Variants in RPH3A observed in about 807,000 individuals in gnomAD.
RPH3A encodes the protein rabphilin-3A.
In RPH3A, 48 loss-of-function variants were observed where a neutral mutation model predicts 102.2. The observed-to-expected ratio is 0.47, with a 90% CI of 0.37 to 0.60. The LOEUF (loss-of-function observed/expected upper bound fraction) is 0.60, where lower values mean the gene tolerates loss of function less well. Ranked by LOEUF, RPH3A falls within the 20% of genes least tolerant of loss-of-function variation. The pLI is 0.00. For synonymous variants in RPH3A, 310 were observed against 324.3 expected (o/e 0.96, Z 0.47); for missense variants, 781 against 910.1 (o/e 0.86, Z 1.83).
At chr12:112,644,468 A>ACG (rs1272612056) in intron 1 of RPH3A, among the ~76,000 whole-genome samples, 9 of 152,144 alleles carry the variant, frequency 5.9e-5, no homozygotes, top group African/African-American at 2.2e-4. Flanking sequence ...TCCTGATGGC[A>ACG]TGAATGCCCT....
intron 1 of RPH3A, among the ~76,000 whole-genome samples, chr12:112,740,307 G>A (rs544102256): frequency 7.2e-5 from 11 of 152,262 alleles, no homozygotes; most frequent in South Asian, 4.1e-4. Context: ...TGCATTTCCC[G>A]CAACAATTTA....
At position 112,897,162 on chromosome 12, in the gene RPH3A, A is replaced by G; in HGVS notation, c.*382A>G. 1 of 191,234 alleles carries G rather than the reference A, an allele frequency of 5.2e-6. No individual in the cohort carries two copies. The highest frequency in any genetic ancestry group is 1.2e-4 in the East Asian group (1 of 8,230). The allele number at this position is 191,234 out of a possible 1,614,324, so 11.8% of individuals were successfully genotyped here. A position where few individuals can be genotyped will look rare whatever the true frequency, so the allele number is the denominator to read the frequency against. On this transcript the variant is annotated 3_prime_UTR_variant, in exon 22 of 22. Transcript: ENST00000389385. ...CACACATGTACACACACACACACAC[A>G]CACACACACACACCCTTTCATTCCC...
chr12:112,811,085 A>G (rs1420313223), intron 2 of RPH3A, among the ~76,000 whole-genome samples: 1 of 152,164 alleles, frequency 6.6e-6, no homozygotes, highest in Non-Finnish European at 1.5e-5. Flanking sequence ...ATACTGAACC[A>G]CATTGCTCCT....
chr12:112,739,798 C>T (rs2040695544), intron 1 of RPH3A, among the ~76,000 whole-genome samples: 1 of 152,182 alleles, frequency 6.6e-6, no homozygotes, highest in Non-Finnish European at 1.5e-5. Context: ...AATGGCATTA[C>T]AGGAGAAGGC....
At chr12:112,592,530 G>A (rs1038825085) in intron 1 of RPH3A, among the ~76,000 whole-genome samples, 4 of 152,266 alleles carry the variant, frequency 2.6e-5, no homozygotes, top group East Asian at 1.9e-4. Context: ...TGTCAGCCAG[G>A]CTGTTCTCGA....
intron 1 of RPH3A, among the ~76,000 whole-genome samples, chr12:112,641,655 C>T (rs1472626845): frequency 1.3e-5 from 2 of 152,194 alleles, no homozygotes; most frequent in Admixed American, 1.3e-4. Flanking sequence ...ACCTCGGCCT[C>T]CCAAAGTGCT....
intron 1 of RPH3A, among the ~76,000 whole-genome samples, chr12:112,746,934 C>A (rs739742): frequency 0.7 from 106,210 of 151,874 alleles, 37,304 homozygotes; most frequent in East Asian, 0.86. Context: ...CCTTCTTCCA[C>A]CCTCCCAGCC....
At chr12:112,848,317 G>A (rs2042266536) in intron 5 of RPH3A, among the ~76,000 whole-genome samples, 1 of 152,182 alleles carries the variant, frequency 6.6e-6, no homozygotes, top group Non-Finnish European at 1.5e-5. Flanking sequence ...AAAAAAGAGT[G>A]TGTAAAAGAG....
chr12:112,870,332 C>T (rs1397527798), intron 10 of RPH3A, among the ~76,000 whole-genome samples: 3 of 150,536 alleles, frequency 2.0e-5, no homozygotes, highest in African/African-American at 7.4e-5. Flanking sequence ...AAAAAAAACC[C>T]TGGGGGAAAA....
chr12:112,713,354 C>T (rs773394122), intron 1 of RPH3A, among the ~76,000 whole-genome samples: 2 of 151,912 alleles, frequency 1.3e-5, no homozygotes, highest in South Asian at 4.2e-4. Flanking sequence ...ACATCAAGGT[C>T]GAGACTCATT....
intron 1 of RPH3A, among the ~76,000 whole-genome samples, chr12:112,609,488 C>T (rs1466616315): frequency 1.3e-5 from 2 of 152,158 alleles, no homozygotes; most frequent in Non-Finnish European, 2.9e-5. Context: ...TTTCTTCTCT[C>T]CTTCCACCTC....
chr12:112,644,860 C>T (rs572213005), intron 1 of RPH3A, among the ~76,000 whole-genome samples: 1 of 152,226 alleles, frequency 6.6e-6, no homozygotes, highest in Non-Finnish European at 1.5e-5. Flanking sequence ...CCCTGAATAG[C>T]TGCAGCTCAT....
At chr12:112,829,944 T>G (rs1201901592) in intron 3 of RPH3A, among the ~76,000 whole-genome samples, 1 of 152,224 alleles carries the variant, frequency 6.6e-6, no homozygotes, top group Non-Finnish European at 1.5e-5. Flanking sequence ...ATATGAGCAC[T>G]TTCTCCTTGA....
chr12:112,722,841 A>G (rs1288318565), intron 1 of RPH3A, among the ~76,000 whole-genome samples: 1 of 152,246 alleles, frequency 6.6e-6, no homozygotes, highest in Non-Finnish European at 1.5e-5. Flanking sequence ...TGGGGCTGCC[A>G]TAGCAGCCTG....
intron 1 of RPH3A, among the ~76,000 whole-genome samples, chr12:112,614,157 G>A (rs1173231623): frequency 3.3e-5 from 5 of 152,106 alleles, no homozygotes; most frequent in Non-Finnish European, 7.3e-5. Context: ...CAGTGAAACT[G>A]ATTTTGGACT....
chr12:112,712,391 T>C (rs1404302724), intron 1 of RPH3A, among the ~76,000 whole-genome samples: 1 of 152,236 alleles, frequency 6.6e-6, no homozygotes, highest in East Asian at 1.9e-4. Context: ...TGGTCCAACG[T>C]TGGCAATTTC....
intron 4 of RPH3A, among the ~76,000 whole-genome samples, chr12:112,843,503 C>A (rs1384879539): frequency 6.6e-6 from 1 of 152,158 alleles, no homozygotes; most frequent in Non-Finnish European, 1.5e-5. Flanking sequence ...CTCTCGGAGA[C>A]CCCCAGCTAT....
At chr12:112,775,419 A>G (rs1048142488) in intron 1 of RPH3A, among the ~76,000 whole-genome samples, 9 of 152,170 alleles carry the variant, frequency 5.9e-5, no homozygotes, top group African/African-American at 2.2e-4. Context: ...AGGGATGACT[A>G]CTTTGAGGGA....
chr12:112,620,499 C>G (rs1291372520), intron 1 of RPH3A, among the ~76,000 whole-genome samples: 1 of 152,324 alleles, frequency 6.6e-6, no homozygotes, highest in East Asian at 1.9e-4. Flanking sequence ...TCCTTCTCCA[C>G]CTACATTTGA....
Sources: gnomAD v4.1 joint callset for allele counts (sites outside exome capture counted in the v4.1 genomes callset) on GRCh38, gnomAD v4.1.1 for gene constraint, MANE v1.5 for transcripts, NCBI Gene and HGNC (gene_info 2026-07-23, HGNC 2026-07-21) for gene names.